Variants in SLC39A12 observed in about 807,000 individuals in gnomAD.
The protein encoded by SLC39A12 is solute carrier family 39 member 12.
SLC39A12 carries 63 observed loss-of-function variants against 71.1 expected under a neutral mutation model. The observed-to-expected ratio is 0.89, with a 90% confidence interval of 0.72 to 1.09. The LOEUF (loss-of-function observed/expected upper bound fraction) is 1.09, where lower values mean the gene tolerates loss of function less well. Ranked by LOEUF, SLC39A12 falls within the 50% of genes least tolerant of loss-of-function variation. SLC39A12 has a pLI of 0.00. For missense variants in SLC39A12, 892 were observed against 812.6 expected, an observed-to-expected ratio of 1.10 and a Z score of -1.19; for synonymous variants, 351 against 301.3, an observed-to-expected ratio of 1.16 and a Z score of -1.71.
intron 12 of SLC39A12, among the ~76,000 whole-genome samples, chr10:18,028,939 T>G (rs1219478023): frequency 6.6e-6 from 1 of 152,150 alleles, no homozygotes; most frequent in Non-Finnish European, 1.5e-5. Flanking sequence ...AGGCTGGTCT[T>G]GAACTCCTGA....
intron 2 of SLC39A12, among the ~76,000 whole-genome samples, chr10:17,958,013 G>A (rs1365995081): frequency 5.9e-5 from 9 of 152,176 alleles, no homozygotes; most frequent in African/African-American, 2.2e-4. Context: ...TTCTACAGCT[G>A]TTTCAAGCTT....
chr10:17,996,386 G>C (rs765852309), intron 10 of SLC39A12, among the ~76,000 whole-genome samples: 2 of 151,870 alleles, frequency 1.3e-5, no homozygotes, highest in Non-Finnish European at 2.9e-5. Context: ...TGTTACTCTT[G>C]AACTTTTGCC....
At position 18,042,938 on chromosome 10, in the gene SLC39A12, C is replaced by A; in HGVS notation, c.*105C>A. ...TAAATTAAGAATTTTTTATCTTAGG[C>A]AAAGTGTGTCTCTTTCAATTCATTA... On this transcript the variant is annotated 3_prime_UTR_variant, in exon 13 of 13. Coordinates refer to ENST00000377369, the MANE Select transcript of SLC39A12 (RefSeq NM_001145195.2). The A allele has an allele frequency of 1.1e-6, 1 of 883,742 alleles. No homozygotes were observed. The highest frequency in any genetic ancestry group is 1.6e-6 in the Non-Finnish European group (1 of 636,272). The allele number at this position is 883,742 out of a possible 1,614,324, so 54.7% of individuals were successfully genotyped here. A position where few individuals can be genotyped will look rare whatever the true frequency, so the allele number is the denominator to read the frequency against.
intron 2 of SLC39A12, among the ~76,000 whole-genome samples, chr10:17,959,188 G>T (rs72784716): frequency 6.6e-6 from 1 of 151,894 alleles, no homozygotes; most frequent in East Asian, 1.9e-4. Context: ...TTTGGGTCTT[G>T]GTGTCAGCCT....
intron 9 of SLC39A12, 122 bp downstream of exon 9, chr10:17,993,413 T>A: frequency 1.4e-6 from 1 of 717,646 alleles, no homozygotes; most frequent in Non-Finnish European, 2.3e-6. Context: ...TGCCGGTTCT[T>A]AACTGTGATA....
At chr10:17,957,974 A>G (rs575908129) in intron 2 of SLC39A12, among the ~76,000 whole-genome samples, 2 of 152,356 alleles carry the variant, frequency 1.3e-5, no homozygotes, top group East Asian at 3.9e-4. Flanking sequence ...CAAGGTTACC[A>G]AAATCTCTGT....
Position 17,987,498 on chromosome 10 carries a change from G to A in SLC39A12, c.1116G>A (p.Val372=), listed in dbSNP as rs1448465332. The change falls in exon 7 of 13, where the codon GTG becomes GTA. Residue 372 remains valine, a synonymous_variant. Coordinates refer to ENST00000377369, the MANE Select transcript of SLC39A12 (RefSeq NM_001145195.2). ...TTLEKYGYST[V]AVTLLTLGSM... is the part of the protein sequence containing the mutation. ...ACTTAGAATACGGCTACAGCACGGTGGCTGTCACCCTTCTCACACTGGGCT... is the reference window on the plus strand; with the variant it reads ...ACTTAGAATACGGCTACAGCACGGTAGCTGTCACCCTTCTCACACTGGGCT... 3.1e-6 allele frequency: 5 copies of A among 1,613,874 alleles called. No homozygotes were observed. The highest frequency in any genetic ancestry group is 1.1e-5 in the South Asian group (1 of 91,066).
At chr10:18,004,090 A>T (rs1247251815) in intron 12 of SLC39A12, among the ~76,000 whole-genome samples, 1 of 152,190 alleles carries the variant, frequency 6.6e-6, no homozygotes, top group Non-Finnish European at 1.5e-5. Context: ...GGGAAATTTC[A>T]CATTGTCTTG....
intron 4 of SLC39A12, among the ~76,000 whole-genome samples, chr10:17,966,276 C>A (rs115910136): frequency 0.013 from 2,048 of 152,250 alleles, 40 homozygotes; most frequent in African/African-American, 0.043. Flanking sequence ...TAATTCTTAA[C>A]ATACTCACCA....
intron 5 of SLC39A12, among the ~76,000 whole-genome samples, chr10:17,979,097 A>G (rs184445615): frequency 6.6e-6 from 1 of 152,342 alleles, no homozygotes; most frequent in African/African-American, 2.4e-5. Flanking sequence ...TAACATCAAC[A>G]CAAGTACAAA....
chr10:17,996,397 C>G (rs911547365), intron 10 of SLC39A12, among the ~76,000 whole-genome samples: 3 of 152,086 alleles, frequency 2.0e-5, no homozygotes, highest in African/African-American at 7.2e-5. Context: ...AACTTTTGCC[C>G]TATTTTTCTC....
chr10:18,003,646 A>C (rs902265743), intron 12 of SLC39A12, among the ~76,000 whole-genome samples: 1 of 152,216 alleles, frequency 6.6e-6, no homozygotes, highest in Non-Finnish European at 1.5e-5. Flanking sequence ...GGAAAGAATG[A>C]AATGTTCATA....
At chr10:17,970,329 A>G (rs1834935375) in intron 4 of SLC39A12, among the ~76,000 whole-genome samples, 1 of 152,172 alleles carries the variant, frequency 6.6e-6, no homozygotes, top group Admixed American at 6.6e-5. Context: ...GAAGAATATC[A>G]TTGATATTGT....
intron 2 of SLC39A12, 23 bp from the exon 3 acceptor site, chr10:17,961,558 G>T (rs782743408): frequency 5.0e-6 from 8 of 1,586,582 alleles, no homozygotes; most frequent in Non-Finnish European, 6.8e-6. Context: ...TTCTTTTGTT[G>T]TTGTTATTGT....
chr10:17,998,269 C>CA (rs1423280823), intron 10 of SLC39A12, among the ~76,000 whole-genome samples: 1 of 149,606 alleles, frequency 6.7e-6, no homozygotes, highest in Non-Finnish European at 1.5e-5. Context: ...AAAATAATAG[C>CA]AAAAATAGGC....
chr10:17,985,979 AT>A (rs897031465), intron 6 of SLC39A12, among the ~76,000 whole-genome samples: 7 of 152,182 alleles, frequency 4.6e-5, no homozygotes, highest in Non-Finnish European at 1.0e-4. Context: ...AACAACACTC[AT>A]TTTAGTCACT....
At chr10:18,003,490 A>G in intron 12 of SLC39A12, 132 bp downstream of exon 12, 1 of 819,902 alleles carries the variant, frequency 1.2e-6, no homozygotes, top group Non-Finnish European at 1.8e-6. Flanking sequence ...CCATTAAGGA[A>G]TATTCTTTGT....
intron 12 of SLC39A12, among the ~76,000 whole-genome samples, chr10:18,021,483 C>G (rs957034090): frequency 2.0e-5 from 3 of 152,052 alleles, no homozygotes; most frequent in Non-Finnish European, 4.4e-5. Flanking sequence ...AGATATTTCT[C>G]CATCCCTTTA....
At chr10:17,984,107 A>G (rs1294386311) in intron 6 of SLC39A12, among the ~76,000 whole-genome samples, 1 of 152,226 alleles carries the variant, frequency 6.6e-6, no homozygotes, top group African/African-American at 2.4e-5. Flanking sequence ...CTCTGTTGTA[A>G]TAATGGGAAA....
Sources: gnomAD v4.1 joint callset for allele counts (sites outside exome capture counted in the v4.1 genomes callset) on GRCh38, gnomAD v4.1.1 for gene constraint, MANE v1.5 for transcripts, NCBI Gene and HGNC (gene_info 2026-07-23, HGNC 2026-07-21) for gene names.